CNTN5: variants seen among roughly 807,000 people sequenced by gnomAD.
CNTN5 encodes the protein contactin 5.
Under a neutral mutation model 129.1 loss-of-function variants are expected in CNTN5, and 77 were observed. That is an observed-to-expected ratio of 0.60 (90% CI 0.50 to 0.72). CNTN5 has a LOEUF of 0.72. Ranked by LOEUF, CNTN5 falls within the 30% of genes least tolerant of loss-of-function variation. The pLI, the probability that CNTN5 is intolerant of heterozygous loss-of-function variation, is 0.00. For synonymous variants in CNTN5, 509 were observed against 465.6 expected, an observed-to-expected ratio of 1.09 and a Z score of -1.20; for missense variants, 1,478 against 1,328.8, an observed-to-expected ratio of 1.11 and a Z score of -1.75.
At chr11:99,381,233 G>A (rs1185769241) in intron 2 of CNTN5, among the ~76,000 whole-genome samples, 1 of 152,154 alleles carries the variant, frequency 6.6e-6, no homozygotes, top group Non-Finnish European at 1.5e-5. Context: ...AGCCAACAGG[G>A]ACAAGAGGAT....
chr11:99,175,093 G>A (rs1857708974), intron 1 of CNTN5, among the ~76,000 whole-genome samples: 1 of 152,030 alleles, frequency 6.6e-6, no homozygotes, highest in Admixed American at 6.6e-5. Flanking sequence ...AAGAAGCCAG[G>A]TATGGTGGCA....
intron 18 of CNTN5, among the ~76,000 whole-genome samples, chr11:100,295,812 C>T (rs1951089259): frequency 6.6e-6 from 1 of 151,206 alleles, no homozygotes; most frequent in East Asian, 2.0e-4. Context: ...ATTTAGAGTA[C>T]AGATTTAGTC....
At chr11:99,693,389 A>T (rs1954122804) in intron 3 of CNTN5, among the ~76,000 whole-genome samples, 2 of 152,118 alleles carry the variant, frequency 1.3e-5, no homozygotes, top group African/African-American at 2.4e-5. Flanking sequence ...AATAAATGTG[A>T]AATTATGATA....
At chr11:99,573,847 A>G (rs1428261425) in intron 3 of CNTN5, among the ~76,000 whole-genome samples, 2 of 152,060 alleles carry the variant, frequency 1.3e-5, no homozygotes. Flanking sequence ...CTAAGTTTCC[A>G]AGACATGTTC....
Position 99,583,849 on chromosome 11 carries a change from C to T in CNTN5, c.55+27580C>T, listed in dbSNP as rs1949701922. Reference sequence around the variant, plus strand: ...CCACAGTCCTGCACCTACTGTCTTGCACTCCCCAGTGAGATGAACTCGGTA... The same window carrying T: ...CCACAGTCCTGCACCTACTGTCTTGTACTCCCCAGTGAGATGAACTCGGTA... On this transcript the variant is annotated intron_variant, in intron 3 of 24. Transcript: ENST00000524871. Among the ~76,000 whole-genome samples the T allele has an allele frequency of 3.3e-5, 5 of 152,110 alleles. No homozygotes were observed. The South Asian group carries it at 1.0e-3, about 31-fold the overall frequency.
intron 3 of CNTN5, among the ~76,000 whole-genome samples, chr11:99,721,636 A>G (rs907955326): frequency 3.3e-5 from 5 of 152,208 alleles, no homozygotes; most frequent in Non-Finnish European, 5.9e-5. Flanking sequence ...GACAAGCGGG[A>G]TCTACTTAAA....
At chr11:99,718,513 G>A (rs1245481716) in intron 3 of CNTN5, among the ~76,000 whole-genome samples, 1 of 152,178 alleles carries the variant, frequency 6.6e-6, no homozygotes, top group East Asian at 1.9e-4. Flanking sequence ...ACTTGAAAAA[G>A]ACACTTGGGA....
intron 6 of CNTN5, among the ~76,000 whole-genome samples, chr11:99,845,856 T>G (rs2135701824): frequency 6.6e-6 from 1 of 152,132 alleles, no homozygotes; most frequent in East Asian, 1.9e-4. Flanking sequence ...AAATTAAGCT[T>G]CCTATGAGAA....
intron 7 of CNTN5, among the ~76,000 whole-genome samples, chr11:99,945,489 C>CCT (rs139517684): frequency 6.7e-6 from 1 of 148,892 alleles, no homozygotes; most frequent in East Asian, 2.0e-4. Flanking sequence ...AACCTCTGTG[C>CCT]GTGTGTGTGT....
At chr11:99,119,753 A>G (rs1035944960) in intron 1 of CNTN5, among the ~76,000 whole-genome samples, 2 of 152,120 alleles carry the variant, frequency 1.3e-5, no homozygotes, top group African/African-American at 2.4e-5. Context: ...CACTCCCACC[A>G]ACAACATATT....
intron 9 of CNTN5, among the ~76,000 whole-genome samples, chr11:100,011,818 C>T (rs1417542522): frequency 6.6e-6 from 1 of 151,986 alleles, no homozygotes; most frequent in Non-Finnish European, 1.5e-5. Context: ...TTTTCCTTTC[C>T]TCACCCCTTA....
In CNTN5 at chr11:99,944,549, A is replaced by G. The variant is rs185635512; in HGVS notation, c.674-12257A>G. The stretch of plus-strand genomic sequence containing the variant: ...AAGAGAAAGAAATAAAGAGTATTCA[A>G]ATAGGAAGAGAGAAAGTCAAATTGT... On this transcript the variant is annotated intron_variant, in intron 7 of 24. Coordinates refer to ENST00000524871, the MANE Select transcript of CNTN5 (RefSeq NM_014361.4). 4.2e-3 allele frequency among the ~76,000 whole-genome samples: 640 copies of G among 152,248 alleles called. 2 individuals are homozygous for G. The highest frequency in any genetic ancestry group is 0.015 in the African/African-American group (612 of 41,572).
At chr11:99,622,671 T>G (rs1950989689) in intron 3 of CNTN5, among the ~76,000 whole-genome samples, 1 of 152,124 alleles carries the variant, frequency 6.6e-6, no homozygotes, top group African/African-American at 2.4e-5. Context: ...TTAACAGAGA[T>G]GGTAATCTAA....
At position 99,527,226 on chromosome 11, in the gene CNTN5, CA is replaced by C. The variant is rs758409187; in HGVS notation, c.-70-28917del. Among the ~76,000 whole-genome samples, 3 of 152,326 alleles carry C rather than the reference CA, an allele frequency of 2.0e-5. No homozygotes were observed. In the East Asian group the frequency reaches 5.8e-4, roughly 29 times the overall value. On this transcript the variant is annotated intron_variant, in intron 2 of 24. Coordinates refer to ENST00000524871, the MANE Select transcript of CNTN5 (RefSeq NM_014361.4). ...GACTACTTTGCCCTGAGACTTCTCT[CA>C]AGGATTATAATCTATCTAACATTTA...
rs1007668658 is a variant in CNTN5 at position 100,071,447 on chromosome 11, A to G, written c.1300-258A>G. Among the ~76,000 whole-genome samples the G allele has an allele frequency of 5.3e-5, 8 of 152,208 alleles. 1 individual carries two copies. The highest frequency in any genetic ancestry group is 1.9e-4 in the African/African-American group (8 of 41,458). ...TGTACCAAAAAAGACACCTCACTTT[A>G]AAAACCAAACTGAAAGTAAAACTTG... On this transcript the variant is annotated intron_variant, in intron 11 of 24. Transcript: ENST00000524871.
intron 3 of CNTN5, among the ~76,000 whole-genome samples, chr11:99,583,537 C>A (rs376583321): frequency 1.3e-5 from 2 of 152,324 alleles, no homozygotes; most frequent in South Asian, 2.1e-4. Context: ...GGTGCCCCTC[C>A]CCCAGCCTCG....
At chr11:100,309,775 T>C in intron 21 of CNTN5, 3 of 872,550 alleles carry the variant, frequency 3.4e-6, no homozygotes, top group Non-Finnish European at 4.1e-6. Context: ...CAGTTTCCCT[T>C]CTCTATGGAG....
intron 18 of CNTN5, among the ~76,000 whole-genome samples, chr11:100,284,209 T>C (rs903144236): frequency 2.0e-5 from 3 of 152,182 alleles, no homozygotes; most frequent in Non-Finnish European, 4.4e-5. Flanking sequence ...CAATATGAAG[T>C]TTAAACCAAA....
chr11:99,422,086 A>T (rs947088434), intron 2 of CNTN5, among the ~76,000 whole-genome samples: 1 of 152,130 alleles, frequency 6.6e-6, no homozygotes, highest in Non-Finnish European at 1.5e-5. Flanking sequence ...AGTCAGTGAG[A>T]GGCGGAAATC....
Sources: gnomAD v4.1 joint callset for allele counts (sites outside exome capture counted in the v4.1 genomes callset) on GRCh38, gnomAD v4.1.1 for gene constraint, MANE v1.5 for transcripts, NCBI Gene and HGNC (gene_info 2026-07-23, HGNC 2026-07-21) for gene names.